The following PLXDC2 variants were observed in gnomAD, a reference collection of about 807,000 sequenced individuals.
The protein encoded by PLXDC2 is plexin domain containing 2.
A neutral mutation model predicts 68.9 loss-of-function variants in PLXDC2; 40 were observed. The observed-to-expected ratio is 0.58, with a 90% confidence interval of 0.45 to 0.76. The LOEUF is 0.76. PLXDC2 is among the 30% of genes least tolerant of loss of function. PLXDC2 has a pLI of 0.00. For synonymous variants in PLXDC2, 243 were observed against 234.2 expected (o/e 1.04, Z -0.34); for missense variants, 644 against 661.9 (o/e 0.97, Z 0.30).
chr10:19,976,648 A>G (rs749287189), intron 1 of PLXDC2, among the ~76,000 whole-genome samples: 22 of 152,168 alleles, frequency 1.4e-4, no homozygotes, highest in Non-Finnish European at 2.2e-4. Context: ...TTCATTGCAG[A>G]GCACCCAATG....
chr10:20,279,133 A>G (rs1836047908), intron 13 of PLXDC2, among the ~76,000 whole-genome samples: 1 of 152,238 alleles, frequency 6.6e-6, no homozygotes, highest in South Asian at 2.1e-4. Flanking sequence ...TTCAAGCACA[A>G]AGAAATCATA....
At chr10:19,972,487 C>T (rs984478555) in intron 1 of PLXDC2, among the ~76,000 whole-genome samples, 13 of 152,122 alleles carry the variant, frequency 8.5e-5, no homozygotes, top group African/African-American at 2.9e-4. Context: ...ACCTATGTAT[C>T]GAGTACTGTG....
At chr10:19,952,004 G>T (rs570622369) in intron 1 of PLXDC2, among the ~76,000 whole-genome samples, 1 of 152,150 alleles carries the variant, frequency 6.6e-6, no homozygotes, top group South Asian at 2.1e-4. Flanking sequence ...CGGTGAGGGG[G>T]GAAGGAAGGG....
intron 13 of PLXDC2, among the ~76,000 whole-genome samples, chr10:20,262,346 A>T (rs1343260008): frequency 6.6e-6 from 1 of 152,194 alleles, no homozygotes; most frequent in African/African-American, 2.4e-5. Flanking sequence ...TGCTTTTGTT[A>T]TCTGAAGTTT....
Position 20,164,484 on chromosome 10 carries a change from C to CCCATAAGA in PLXDC2, c.800_801insCCATAAGA (p.Gln268HisfsTer5). The CCCATAAGA allele has an allele frequency of 6.2e-7, 1 of 1,613,068 alleles. No homozygotes were observed. The highest frequency in any genetic ancestry group is 1.1e-5 in the South Asian group (1 of 91,072). ...TTTTTCCAGATTCCTGTCTTGGTCACACAGATAAGTTCAACCAATCATCCA... is the reference window on the plus strand; with the variant it reads ...TTTTTCCAGATTCCTGTCTTGGTCACCCATAAGAACAGATAAGTTCAACCAATCATCCA... On this transcript the variant is annotated frameshift_variant, in exon 7 of 14. Transcript: ENST00000377252. LOFTEE classifies it high-confidence loss of function.
intron 6 of PLXDC2, among the ~76,000 whole-genome samples, chr10:20,148,536 A>T (rs1441856037): frequency 6.6e-6 from 1 of 152,192 alleles, no homozygotes; most frequent in Admixed American, 6.5e-5. Context: ...TGTAGCCTTA[A>T]ATTTACAGAA....
chr10:20,062,556 C>T (rs1836125853), intron 3 of PLXDC2, among the ~76,000 whole-genome samples: 1 of 152,162 alleles, frequency 6.6e-6, no homozygotes, highest in African/African-American at 2.4e-5. Flanking sequence ...CATGCTAAAG[C>T]ATTGAATAAT....
intron 1 of PLXDC2, among the ~76,000 whole-genome samples, chr10:19,890,538 C>CA (rs1554842939): frequency 7.7e-6 from 1 of 129,760 alleles, no homozygotes; most frequent in Non-Finnish European, 1.6e-5. Flanking sequence ...TTTTCTGAGA[C>CA]GGGGTTTTTT....
At chr10:20,023,024 C>T (rs1334817022) in intron 2 of PLXDC2, among the ~76,000 whole-genome samples, 1 of 150,506 alleles carries the variant, frequency 6.6e-6, no homozygotes, top group Non-Finnish European at 1.5e-5. Context: ...TATTATAACC[C>T]TCCCCCCGCA....
chr10:19,994,028 T>G (rs987573867), intron 1 of PLXDC2, among the ~76,000 whole-genome samples: 31 of 152,248 alleles, frequency 2.0e-4, no homozygotes, highest in African/African-American at 7.2e-4. Context: ...AAATTGTTCT[T>G]TTTTTCATCT....
intron 9 of PLXDC2, among the ~76,000 whole-genome samples, chr10:20,189,028 A>AATACAGTGAGGTATGATGTTAT (rs761286649): frequency 2.3e-5 from 3 of 131,808 alleles, no homozygotes; most frequent in Admixed American, 7.6e-5. Flanking sequence ...TCAAATTTTA[A>AATACAGTGAGGTATGATGTTAT]TGAAGAATCT....
intron 4 of PLXDC2, among the ~76,000 whole-genome samples, chr10:20,116,474 C>T (rs7914596): frequency 0.35 from 52,556 of 151,870 alleles, 11,435 homozygotes; most frequent in African/African-American, 0.62. Context: ...CACAGTAAAT[C>T]GAGAAGTTAA....
intron 4 of PLXDC2, among the ~76,000 whole-genome samples, chr10:20,102,607 A>G (rs1278931051): frequency 2.6e-5 from 4 of 152,292 alleles, no homozygotes; most frequent in East Asian, 3.9e-4. Flanking sequence ...AGAAAAGTCC[A>G]GGGTGGTTTT....
intron 9 of PLXDC2, among the ~76,000 whole-genome samples, chr10:20,190,552 A>G (rs926183622): frequency 6.6e-6 from 1 of 151,540 alleles, no homozygotes; most frequent in African/African-American, 2.4e-5. Context: ...CATATGTAAC[A>G]AACCTGCACG....
intron 2 of PLXDC2, among the ~76,000 whole-genome samples, chr10:20,019,407 C>T (rs951490654): frequency 3.9e-5 from 6 of 152,118 alleles, no homozygotes; most frequent in South Asian, 2.1e-4. Context: ...TCCCCTGCAC[C>T]CCGACATTGC....
intron 1 of PLXDC2, among the ~76,000 whole-genome samples, chr10:19,875,374 G>A (rs1837613670): frequency 6.6e-6 from 1 of 152,116 alleles, no homozygotes; most frequent in Non-Finnish European, 1.5e-5. Flanking sequence ...GAATGCTATG[G>A]TTTTTATTCA....
At chr10:19,897,161 A>G (rs145173386) in intron 1 of PLXDC2, among the ~76,000 whole-genome samples, 24 of 151,028 alleles carry the variant, frequency 1.6e-4, no homozygotes, top group Non-Finnish European at 2.9e-4. Context: ...GAGCCTCTGT[A>G]TTTCAGAATG....
chr10:19,947,870 G>T (rs1833929220), intron 1 of PLXDC2, among the ~76,000 whole-genome samples: 1 of 152,006 alleles, frequency 6.6e-6, no homozygotes, highest in African/African-American at 2.4e-5. Context: ...CTTCCCTCCA[G>T]GGTCTAGGAA....
chr10:20,109,132 C>T (rs910193292), intron 4 of PLXDC2, among the ~76,000 whole-genome samples: 7 of 152,094 alleles, frequency 4.6e-5, no homozygotes, highest in African/African-American at 1.7e-4. Flanking sequence ...GAGGCGGTTA[C>T]GATATTTATT....
Sources: allele counts gnomAD v4.1 joint callset (sites outside exome capture counted in the v4.1 genomes callset), GRCh38; gene constraint gnomAD v4.1.1; transcripts MANE v1.5; gene names NCBI Gene and HGNC (gene_info 2026-07-23, HGNC 2026-07-21).